Variants in ULK4 observed in about 807,000 individuals in gnomAD.
ULK4 encodes unc-51 like kinase 4.
A neutral mutation model predicts 160.6 loss-of-function variants in ULK4; 133 were observed. The ratio of observed to expected loss-of-function variants is 0.83; its 90% confidence interval spans 0.72 to 0.96. The LOEUF is 0.96. ULK4 is among the 40% of genes least tolerant of loss of function. The pLI is 0.00. For synonymous variants in ULK4, 534 were observed against 539.8 expected (o/e 0.99, Z 0.15); for missense variants, 1,580 against 1,499.5 (o/e 1.05, Z -0.89).
At chr3:41,531,625 T>C (rs1177330360) in intron 32 of ULK4, among the ~76,000 whole-genome samples, 1 of 152,134 alleles carries the variant, frequency 6.6e-6, no homozygotes, top group Non-Finnish European at 1.5e-5. Flanking sequence ...CCAAGTGTGG[T>C]ATTACTATAA....
chr3:41,325,071 T>C (rs2080315642), intron 35 of ULK4, among the ~76,000 whole-genome samples: 1 of 152,176 alleles, frequency 6.6e-6, no homozygotes, highest in South Asian at 2.1e-4. Flanking sequence ...GTGGTGAGAA[T>C]GTCCCTGATT....
At chr3:41,411,982 T>A (rs1467569624) in intron 34 of ULK4, among the ~76,000 whole-genome samples, 2 of 152,136 alleles carry the variant, frequency 1.3e-5, no homozygotes, top group African/African-American at 2.4e-5. Context: ...CCCAGTGGCA[T>A]CCAGATTGGA....
intron 34 of ULK4, among the ~76,000 whole-genome samples, chr3:41,449,588 T>G (rs1232433908): frequency 2.0e-5 from 3 of 151,944 alleles, no homozygotes; most frequent in African/African-American, 7.3e-5. Context: ...ATAATCACCA[T>G]AAAGCATTAC....
intron 21 of ULK4, among the ~76,000 whole-genome samples, chr3:41,784,261 C>T (rs2039937232): frequency 6.6e-6 from 1 of 151,694 alleles, no homozygotes; most frequent in African/African-American, 2.4e-5. Flanking sequence ...ATGGAGAAAC[C>T]CCATCTCTAC....
intron 34 of ULK4, among the ~76,000 whole-genome samples, chr3:41,428,032 A>T (rs2082816989): frequency 6.6e-6 from 1 of 152,200 alleles, no homozygotes; most frequent in Admixed American, 6.5e-5. Flanking sequence ...CCATCATCTC[A>T]GCCCAAAAGT....
intron 17 of ULK4, among the ~76,000 whole-genome samples, chr3:41,837,437 G>C (rs1325561504): frequency 6.6e-6 from 1 of 151,878 alleles, no homozygotes; most frequent in Non-Finnish European, 1.5e-5. Context: ...TCTGTCATTA[G>C]CATGTATTTT....
chr3:41,482,201 C>G (rs1013377076), intron 32 of ULK4, among the ~76,000 whole-genome samples: 4 of 152,196 alleles, frequency 2.6e-5, no homozygotes, highest in Non-Finnish European at 5.9e-5. Flanking sequence ...CAGGTACCAC[C>G]TAGTTACTGT....
chr3:41,645,118 A>G (rs1156334579), intron 30 of ULK4, among the ~76,000 whole-genome samples: 1 of 151,780 alleles, frequency 6.6e-6, no homozygotes, highest in South Asian at 2.1e-4. Flanking sequence ...GGGTCTATCA[A>G]TTTTGTTGAT....
chr3:41,309,103 G>A (rs2080001184), intron 35 of ULK4, among the ~76,000 whole-genome samples: 1 of 150,746 alleles, frequency 6.6e-6, no homozygotes, highest in African/African-American at 2.5e-5. Context: ...GCTTGTAACT[G>A]TAAAACATGA....
At chr3:41,548,153 A>G (rs1575395772) in intron 32 of ULK4, among the ~76,000 whole-genome samples, 1 of 152,072 alleles carries the variant, frequency 6.6e-6, no homozygotes, top group Non-Finnish European at 1.5e-5. Flanking sequence ...GCCTTGCTCC[A>G]CCCACCATAG....
intron 27 of ULK4, among the ~76,000 whole-genome samples, chr3:41,695,541 G>A (rs957662683): frequency 6.6e-6 from 1 of 152,118 alleles, no homozygotes; most frequent in South Asian, 2.1e-4. Context: ...CTTGAAAGAA[G>A]CCAACCTGAA....
intron 20 of ULK4, among the ~76,000 whole-genome samples, chr3:41,793,437 G>A (rs758676752): frequency 1.3e-5 from 2 of 152,036 alleles, no homozygotes; most frequent in Non-Finnish European, 2.9e-5. Context: ...TTTCTTTTTG[G>A]TATTTCAAAT....
intron 30 of ULK4, among the ~76,000 whole-genome samples, chr3:41,631,750 G>C (rs1471505552): frequency 6.6e-6 from 1 of 151,928 alleles, no homozygotes; most frequent in Non-Finnish European, 1.5e-5. Context: ...AGGAGAAATG[G>C]GAAAGCTGAA....
At chr3:41,305,424 G>C (rs2079889082) in intron 35 of ULK4, among the ~76,000 whole-genome samples, 1 of 152,264 alleles carries the variant, frequency 6.6e-6, no homozygotes, top group African/African-American at 2.4e-5. Flanking sequence ...GTTTCGCTGT[G>C]TTGGCCAGGC....
intron 35 of ULK4, among the ~76,000 whole-genome samples, chr3:41,287,553 T>G (rs1364840545): frequency 2.0e-5 from 3 of 152,220 alleles, no homozygotes; most frequent in Non-Finnish European, 4.4e-5. Context: ...TCGTGTAACT[T>G]TGCTTTGCAA....
At chr3:41,880,554 A>C (rs773546521) in intron 17 of ULK4, among the ~76,000 whole-genome samples, 3 of 152,214 alleles carry the variant, frequency 2.0e-5, no homozygotes, top group Non-Finnish European at 4.4e-5. Context: ...TAACTGCCTA[A>C]AATACACATT....
chr3:41,611,206 T>C (rs1263438551), intron 31 of ULK4, among the ~76,000 whole-genome samples: 1 of 152,206 alleles, frequency 6.6e-6, no homozygotes, highest in Non-Finnish European at 1.5e-5. Context: ...TACAAATGCA[T>C]TCAGCTTAAT....
chr3:41,498,189 A>C (rs1559650868), intron 32 of ULK4, among the ~76,000 whole-genome samples: 1 of 152,222 alleles, frequency 6.6e-6, no homozygotes, highest in Non-Finnish European at 1.5e-5. Flanking sequence ...AAAAACTGAA[A>C]TGTTTGAGTG....
intron 17 of ULK4, among the ~76,000 whole-genome samples, chr3:41,841,461 C>T (rs1423936570): frequency 3.3e-5 from 5 of 151,432 alleles, no homozygotes; most frequent in Admixed American, 6.6e-5. Flanking sequence ...CCGGCCGCCC[C>T]GTCTGGGAGG....
Sources: gnomAD v4.1 joint callset for allele counts (sites outside exome capture counted in the v4.1 genomes callset) on GRCh38, gnomAD v4.1.1 for gene constraint, MANE v1.5 for transcripts, NCBI Gene and HGNC (gene_info 2026-07-23, HGNC 2026-07-21) for gene names.